The following TRAPPC9 variants were observed in gnomAD, a reference collection of about 807,000 sequenced individuals.
TRAPPC9 encodes IKK2 binding protein.
Under a neutral mutation model 124.0 loss-of-function variants are expected in TRAPPC9, and 83 were observed. That is an observed-to-expected ratio of 0.67 (90% CI 0.56 to 0.80). The LOEUF is 0.80. Ranked by LOEUF, TRAPPC9 falls within the 30% of genes least tolerant of loss-of-function variation. TRAPPC9 has a pLI of 0.00. For missense variants in TRAPPC9, 1,302 were observed against 1,508.3 expected, an observed-to-expected ratio of 0.86 and a Z score of 2.27; for synonymous variants, 638 against 617.5, an observed-to-expected ratio of 1.03 and a Z score of -0.49.
At chr8:139,958,929 G>GGGGAGCCCTGCATTCCGAGTCACACA (rs1835180946) in intron 19 of TRAPPC9, among the ~76,000 whole-genome samples, 12,605 of 64,626 alleles carry the variant, frequency 0.2, 773 homozygotes, top group Middle Eastern at 0.28. Context: ...CGAGTCACAC[G>GGGGAGCCCTGCATTCCGAGTCACACA]GGGGAGCACT....
intron 17 of TRAPPC9, among the ~76,000 whole-genome samples, chr8:140,126,717 T>A (rs2061105026): frequency 1.3e-5 from 2 of 152,238 alleles, no homozygotes; most frequent in African/African-American, 4.8e-5. Flanking sequence ...TAGCTCAGTC[T>A]GGCTAACTTT....
chr8:139,758,827 C>T (rs1820029325), intron 21 of TRAPPC9, among the ~76,000 whole-genome samples: 1 of 152,206 alleles, frequency 6.6e-6, no homozygotes, highest in Admixed American at 6.5e-5. Flanking sequence ...TTATGGGAAT[C>T]GCTCCAAGTC....
At chr8:140,405,481 TAATTAAGAG>T in intron 6 of TRAPPC9, 87 bp downstream of exon 6, 1 of 1,332,202 alleles carries the variant, frequency 7.5e-7, no homozygotes, top group Non-Finnish European at 1.1e-6. Context: ...CAGAAATAAA[TAATTAAGAG>T]ACACTGCAGC....
At chr8:140,343,107 T>C (rs1343670174) in intron 9 of TRAPPC9, among the ~76,000 whole-genome samples, 1 of 152,124 alleles carries the variant, frequency 6.6e-6, no homozygotes, top group Non-Finnish European at 1.5e-5. Context: ...TCAAAAAATA[T>C]AAAGGACATA....
At chr8:139,846,548 A>C (rs1003796368) in intron 21 of TRAPPC9, among the ~76,000 whole-genome samples, 9 of 152,240 alleles carry the variant, frequency 5.9e-5, no homozygotes, top group African/African-American at 2.2e-4. Context: ...GATATTTACA[A>C]ACAACTCCTA....
At chr8:139,995,243 A>G (rs1288801774) in intron 18 of TRAPPC9, among the ~76,000 whole-genome samples, 2 of 152,218 alleles carry the variant, frequency 1.3e-5, no homozygotes, top group Non-Finnish European at 2.9e-5. Flanking sequence ...TGCCCTGTGT[A>G]TAGCCAGACA....
At chr8:139,843,490 C>T (rs777630913) in intron 21 of TRAPPC9, among the ~76,000 whole-genome samples, 8 of 152,228 alleles carry the variant, frequency 5.3e-5, no homozygotes, top group South Asian at 2.1e-4. Context: ...TCCTGACCCA[C>T]GGAACCGGTG....
At position 139,984,683 on chromosome 8, in the gene TRAPPC9, G is replaced by C. The variant is rs1042872577; in HGVS notation, c.2810+4043C>G. Among the ~76,000 whole-genome samples the C allele has an allele frequency of 6.6e-5, 10 of 152,172 alleles. No individual in the cohort carries two copies. Among genetic ancestry groups the C allele is most frequent in the African/African-American group, 1.7e-4 (7 of 41,442 alleles). On this transcript the variant is annotated intron_variant, in intron 19 of 22. Transcript: ENST00000438773. This position sits in a 1 kb window ranked among gnomAD's most constrained non-coding sequence, Gnocchi z 4.3. ...TCTGCACAACCCCTCCACGGAGGCCGAGTGTGCATCTGACCCACAGGAGGC... is the reference window on the plus strand; with the variant it reads ...TCTGCACAACCCCTCCACGGAGGCCCAGTGTGCATCTGACCCACAGGAGGC...
intron 21 of TRAPPC9, among the ~76,000 whole-genome samples, chr8:139,870,078 G>T (rs576634684): frequency 6.6e-6 from 1 of 152,138 alleles, no homozygotes; most frequent in African/African-American, 2.4e-5. Context: ...AAGCTAGAAC[G>T]ACTACAAGGG....
At chr8:140,432,669 G>A (rs1013270060) in intron 4 of TRAPPC9, among the ~76,000 whole-genome samples, 2 of 151,954 alleles carry the variant, frequency 1.3e-5, no homozygotes, top group African/African-American at 4.8e-5. Context: ...TCAGGAGATC[G>A]ATACCATCCT....
rs529431161 is a variant in TRAPPC9 at position 140,156,727 on chromosome 8, T to G, written c.2556+64732A>C. Among the ~76,000 whole-genome samples the G allele has an allele frequency of 9.5e-4, 144 of 151,916 alleles. 1 individual carries two copies. Among genetic ancestry groups the G allele is most frequent in the Non-Finnish European group, 1.0e-3 (71 of 67,976 alleles). The stretch of plus-strand genomic sequence containing the variant: ...ATCGTCTGTTTCTAAGTTACAACCA[T>G]GAAGAAAAGAGTACCGCCACTGATA... On this transcript the variant is annotated intron_variant, in intron 17 of 22. Coordinates refer to ENST00000438773, the MANE Select transcript of TRAPPC9 (RefSeq NM_001160372.4).
rs370130234 is a variant in TRAPPC9 at position 140,124,239 on chromosome 8, C to T, written c.2556+97220G>A. Among the ~76,000 whole-genome samples, 240 of 152,330 alleles carry T rather than the reference C, an allele frequency of 1.6e-3. 1 individual carries two copies. In the South Asian group the frequency reaches 0.032, roughly 20 times the overall value. On this transcript the variant is annotated intron_variant, in intron 17 of 22. Transcript: ENST00000438773. The stretch of plus-strand genomic sequence containing the variant: ...CCAGCATGTCTCCAGGGCTGCGTTC[C>T]TGGGGTAGGGTGCAGGGGGGGCTCT...
intron 7 of TRAPPC9, among the ~76,000 whole-genome samples, chr8:140,381,096 T>C (rs1179361020): frequency 6.6e-6 from 1 of 151,396 alleles, no homozygotes; most frequent in Admixed American, 6.6e-5. Context: ...TCCCAGCTAC[T>C]TGGGAGGCTG....
chr8:140,371,322 G>A, intron 7 of TRAPPC9, 142 bp from the exon 8 acceptor site: 1 of 946,502 alleles, frequency 1.1e-6, no homozygotes, highest in Non-Finnish European at 1.6e-6. Flanking sequence ...CTGGTGAGCA[G>A]CGCATGGCGC....
intron 9 of TRAPPC9, among the ~76,000 whole-genome samples, chr8:140,315,635 T>C (rs1342310210): frequency 2.0e-5 from 3 of 152,210 alleles, no homozygotes; most frequent in Admixed American, 2.0e-4. Context: ...GAATGACTTA[T>C]TTTACAATGA....
At chr8:140,311,221 T>C (rs374651611) in intron 10 of TRAPPC9, 27 bp downstream of exon 10, 1 of 1,606,820 alleles carries the variant, frequency 6.2e-7, no homozygotes, top group African/African-American at 1.3e-5. Flanking sequence ...GGCAGCTGCC[T>C]TTCCGGCTCT....
intron 21 of TRAPPC9, among the ~76,000 whole-genome samples, chr8:139,737,474 C>CCCCCG (rs1554633766): frequency 7.9e-6 from 1 of 125,926 alleles, no homozygotes; most frequent in Non-Finnish European, 1.8e-5. Flanking sequence ...CCTCCCCCCC[C>CCCCCG]CCCCACGGAA....
At chr8:140,228,938 C>T (rs2063517508) in intron 16 of TRAPPC9, among the ~76,000 whole-genome samples, 1 of 152,080 alleles carries the variant, frequency 6.6e-6, no homozygotes. Flanking sequence ...AGCTAACCTC[C>T]CAGCAGCAAG....
intron 18 of TRAPPC9, among the ~76,000 whole-genome samples, chr8:139,994,116 C>T (rs532825155): frequency 6.1e-4 from 93 of 152,286 alleles, no homozygotes; most frequent in African/African-American, 2.2e-3. Flanking sequence ...GGGATCCCCC[C>T]AGAAAGCAGA....
Sources: gnomAD v4.1 joint callset for allele counts (sites outside exome capture counted in the v4.1 genomes callset) on GRCh38, gnomAD v4.1.1 for gene constraint, Gnocchi (gnomAD v3.1) non-coding constraint, MANE v1.5 for transcripts, NCBI Gene and HGNC (gene_info 2026-07-23, HGNC 2026-07-21) for gene names.